The following DRC11 variants were observed in gnomAD, a reference collection of about 807,000 sequenced individuals.
DRC11 encodes the protein dynein regulatory complex subunit 11.
the DRC11 span, among the ~76,000 whole-genome samples, chr2:236,389,016 C>A: frequency 6.6e-6 from 1 of 151,988 alleles, no homozygotes; most frequent in Non-Finnish European, 1.5e-5. Context: ...GCAGTCTGCC[C>A]GTTCTCAGAT....
At chr2:236,354,067 A>G in the DRC11 span, among the ~76,000 whole-genome samples, 58 of 152,308 alleles carry the variant, frequency 3.8e-4, no homozygotes, top group African/African-American at 1.4e-3. Context: ...TACTAGAATG[A>G]GAAGCCTGGC....
the DRC11 span, among the ~76,000 whole-genome samples, chr2:236,506,596 C>T: frequency 6.6e-5 from 10 of 152,206 alleles, no homozygotes; most frequent in Non-Finnish European, 1.5e-4. This position sits in a 1 kb window ranked among gnomAD's most constrained non-coding sequence, Gnocchi z 4.9. Context: ...ACCTCTTCAT[C>T]CCCAAGTTCC....
At chr2:236,406,162 C>T in the DRC11 span, among the ~76,000 whole-genome samples, 2 of 152,196 alleles carry the variant, frequency 1.3e-5, no homozygotes, top group Non-Finnish European at 2.9e-5. This position sits in a 1 kb window ranked among gnomAD's most constrained non-coding sequence, Gnocchi z 4.7. Context: ...CTGAGAGATG[C>T]AGAGATGCAA....
chr2:236,348,174 A>C, the DRC11 span, among the ~76,000 whole-genome samples: 1 of 152,234 alleles, frequency 6.6e-6, no homozygotes, highest in Non-Finnish European at 1.5e-5. This position sits in a 1 kb window ranked among gnomAD's most constrained non-coding sequence, Gnocchi z 7.4. Flanking sequence ...TGCTTCTACA[A>C]AGAAAGCTTT....
the DRC11 span, among the ~76,000 whole-genome samples, chr2:236,476,491 G>A: frequency 6.6e-6 from 1 of 152,046 alleles, no homozygotes; most frequent in Non-Finnish European, 1.5e-5. The surrounding 1 kb of genome is among the most constrained non-coding windows in gnomAD (Gnocchi z 4.7). Flanking sequence ...CTAGCTATAA[G>A]ATCACATCAT....
the DRC11 span, among the ~76,000 whole-genome samples, chr2:236,369,884 G>A: frequency 6.6e-6 from 1 of 152,174 alleles, no homozygotes; most frequent in Admixed American, 6.5e-5. This position sits in a 1 kb window ranked among gnomAD's most constrained non-coding sequence, Gnocchi z 4.5. Context: ...CAGACGAAAA[G>A]GCATTTAGGA....
chr2:236,348,107 C>A, the DRC11 span, among the ~76,000 whole-genome samples: 2 of 152,226 alleles, frequency 1.3e-5, no homozygotes, highest in East Asian at 3.8e-4. This position sits in a 1 kb window ranked among gnomAD's most constrained non-coding sequence, Gnocchi z 7.4. Context: ...TTAATAAAAT[C>A]AGCTCTCTAG....
At chr2:236,392,212 T>G in the DRC11 span, 4 of 1,478,370 alleles carry the variant, frequency 2.7e-6, no homozygotes, top group South Asian at 1.2e-5. The surrounding 1 kb of genome is among the most constrained non-coding windows in gnomAD (Gnocchi z 5.1). Context: ...AGTAAATGAT[T>G]TGCTGTTACT....
At chr2:236,440,849 C>T in the DRC11 span, among the ~76,000 whole-genome samples, 4 of 150,560 alleles carry the variant, frequency 2.7e-5, no homozygotes, top group African/African-American at 4.9e-5. Context: ...AAAGGTAAGA[C>T]GGGAAAAAAA....
chr2:236,493,957 T>C, the DRC11 span: 16 of 1,382,692 alleles, frequency 1.2e-5, no homozygotes, highest in Admixed American at 2.6e-5. Flanking sequence ...ATTTAAAATA[T>C]ACAGTAAGGA....
chr2:236,491,067 G>GTA, the DRC11 span, among the ~76,000 whole-genome samples: 1 of 114,386 alleles, frequency 8.7e-6, no homozygotes, highest in Admixed American at 9.0e-5. Context: ...TATACACACA[G>GTA]TATATACCCC....
the DRC11 span, among the ~76,000 whole-genome samples, chr2:236,378,733 A>C: frequency 6.7e-6 from 1 of 149,876 alleles, no homozygotes; most frequent in East Asian, 2.0e-4. Flanking sequence ...CATGGGCTGC[A>C]CCCTCCTCAA....
At chr2:236,392,982 A>G in the DRC11 span, among the ~76,000 whole-genome samples, 3 of 152,208 alleles carry the variant, frequency 2.0e-5, no homozygotes, top group Admixed American at 1.3e-4. This position sits in a 1 kb window ranked among gnomAD's most constrained non-coding sequence, Gnocchi z 5.1. Flanking sequence ...AGACAAAGTA[A>G]GAATAATTTC....
chr2:236,410,883 AC>A, the DRC11 span, among the ~76,000 whole-genome samples: 1 of 145,808 alleles, frequency 6.9e-6, no homozygotes, highest in South Asian at 2.3e-4. Flanking sequence ...TACACCTTAT[AC>A]AAAAATCAAT....
chr2:236,387,437 G>C, the DRC11 span, among the ~76,000 whole-genome samples: 1 of 149,644 alleles, frequency 6.7e-6, no homozygotes. Context: ...TGTCTCTTTT[G>C]ATCTTTGTTG....
chr2:236,491,171 A>G, the DRC11 span, among the ~76,000 whole-genome samples: 1 of 80,062 alleles, frequency 1.2e-5, no homozygotes, highest in Non-Finnish European at 2.4e-5. Context: ...ATATATATAT[A>G]TATATATATA....
At chr2:236,470,347 G>A in the DRC11 span, among the ~76,000 whole-genome samples, 7 of 152,300 alleles carry the variant, frequency 4.6e-5, no homozygotes, top group East Asian at 5.8e-4. This position sits in a 1 kb window ranked among gnomAD's most constrained non-coding sequence, Gnocchi z 5.1. Context: ...AAGGAGCAGG[G>A]TAGACATCTA....
the DRC11 span, among the ~76,000 whole-genome samples, chr2:236,343,927 A>C: frequency 1.3e-5 from 2 of 152,246 alleles, no homozygotes; most frequent in South Asian, 4.1e-4. This position sits in a 1 kb window ranked among gnomAD's most constrained non-coding sequence, Gnocchi z 6.6. Context: ...ATCAAAAGTG[A>C]TTAAAATCCT....
the DRC11 span, among the ~76,000 whole-genome samples, chr2:236,437,153 CATT>C: frequency 7.0e-6 from 1 of 142,176 alleles, no homozygotes; most frequent in Non-Finnish European, 1.5e-5. Flanking sequence ...CATGTGTTCT[CATT>C]GTTCAATTCC....
Sources: gnomAD v4.1 joint callset for allele counts (sites outside exome capture counted in the v4.1 genomes callset) on GRCh38, gnomAD v4.1.1 for gene constraint, Gnocchi (gnomAD v3.1) non-coding constraint, MANE v1.5 for transcripts, NCBI Gene and HGNC (gene_info 2026-07-23, HGNC 2026-07-21) for gene names.